The following PPIL1 variants were observed in gnomAD, a reference collection of about 807,000 sequenced individuals.
PPIL1 encodes the protein peptidylprolyl isomerase like 1.
In PPIL1, 14 loss-of-function variants were observed where a neutral mutation model predicts 19.4. The observed-to-expected ratio is 0.72, with a 90% confidence interval of 0.48 to 1.13. PPIL1 has a LOEUF of 1.13. PPIL1 is among the 50% of genes most tolerant of loss of function. The pLI, the probability that PPIL1 is intolerant of heterozygous loss-of-function variation, is 0.00. For synonymous variants in PPIL1, 72 were observed against 73.6 expected, an observed-to-expected ratio of 0.98 and a Z score of 0.11; for missense variants, 192 against 218.0, an observed-to-expected ratio of 0.88 and a Z score of 0.75.
In PPIL1 at chr6:36,856,019, C is replaced by A. The variant is rs199818754; in HGVS notation, c.295G>T (p.Ala99Ser). 52 of 1,613,848 alleles carry A rather than the reference C, an allele frequency of 3.2e-5. No homozygotes were observed. Among genetic ancestry groups the A allele is most frequent in the Non-Finnish European group, 4.2e-5 (49 of 1,179,930 alleles). ...GTATCTGGCCCCGCATTGGCCATTG[C>A]GAGAATTCCAGCCCCTGGTGGGAAA... ...DLKFTGAGIL[A>S]MANAGPDTNG... Residue 99 changes from alanine (A) to serine (S), a missense_variant, in exon 4 of 4, where the codon GCA (alanine) becomes TCA (serine). Coordinates refer to ENST00000373699, the MANE Select transcript of PPIL1 (RefSeq NM_016059.5).
chr6:36,871,617 T>C (rs180912244), intron 2 of PPIL1, 101 bp downstream of exon 2: 44 of 1,399,462 alleles, frequency 3.1e-5, no homozygotes, highest in Middle Eastern at 2.3e-4. Flanking sequence ...CCTTATCACC[T>C]ATTTACGACA....
chr6:36,871,464 G>T (rs369696954), intron 2 of PPIL1, among the ~76,000 whole-genome samples: 1 of 152,166 alleles, frequency 6.6e-6, no homozygotes, highest in African/African-American at 2.4e-5. Context: ...AGCAGTACAT[G>T]TAAGTTATGA....
intron 1 of PPIL1, 129 bp downstream of exon 1, chr6:36,874,581 GGCCGTCT>G: frequency 8.3e-7 from 1 of 1,198,200 alleles, no homozygotes; most frequent in South Asian, 1.3e-5. Context: ...ACCCTCTGGG[GGCCGTCT>G]CGGCCGCTGC....
chr6:36,862,576 A>G (rs917413528), intron 2 of PPIL1, among the ~76,000 whole-genome samples: 4 of 152,246 alleles, frequency 2.6e-5, no homozygotes, highest in African/African-American at 9.6e-5. Context: ...CTTTGAAAGT[A>G]GGGTGATGCC....
rs372850790 is a variant in PPIL1 at position 36,864,377 on chromosome 6, C to T, written c.211+7341G>A. ...GCCACTCTCTCAGGTGTTCCAGCTA[C>T]ACTGGCCCCTGTGCTGTTTCCTGCC... On this transcript the variant is annotated intron_variant, in intron 2 of 3. Transcript: ENST00000373699. 2.6e-5 allele frequency among the ~76,000 whole-genome samples: 4 copies of T among 152,290 alleles called. No individual in the cohort carries two copies. The East Asian group carries it at 5.8e-4, about 22-fold the overall frequency.
At chr6:36,871,675 GAA>G in intron 2 of PPIL1, 41 bp downstream of exon 2, 1 of 1,380,440 alleles carries the variant, frequency 7.2e-7, no homozygotes, top group Admixed American at 2.4e-5. Context: ...ACGAAAAGGA[GAA>G]AAAAAAAAGA....
chr6:36,874,778 AGCCG>A lies in PPIL1; in HGVS notation c.-10_-7del, dbSNP rs773173260. The A allele has an allele frequency of 3.7e-6, 6 of 1,614,094 alleles. No individual in the cohort carries two copies. The highest frequency in any genetic ancestry group is 5.1e-6 in the Non-Finnish European group (6 of 1,179,982). ...TCTGGGGGAATTGCCGCCATAGCGAAGCCGGCGGCGGAATGCTTGTCTAGTAATT... is the reference window on the plus strand; with the variant it reads ...TCTGGGGGAATTGCCGCCATAGCGAAGCGGCGGAATGCTTGTCTAGTAATT... On this transcript the variant is annotated 5_prime_UTR_variant, in exon 1 of 4. Transcript: ENST00000373699.
chr6:36,865,198 T>A (rs7738564), intron 2 of PPIL1, among the ~76,000 whole-genome samples: 2,122 of 152,308 alleles, frequency 0.014, 46 homozygotes, highest in African/African-American at 0.048. Context: ...AGCTCCACAG[T>A]CCTGCTCTAC....
chr6:36,858,891 AG>A (rs1774221828), intron 2 of PPIL1, among the ~76,000 whole-genome samples: 1 of 152,126 alleles, frequency 6.6e-6, no homozygotes, highest in South Asian at 2.1e-4. Flanking sequence ...ACCAGAGACT[AG>A]GGAGAGGGCT....
At chr6:36,856,726 G>A (rs1329233007) in intron 2 of PPIL1, 72 bp from the exon 3 acceptor site, 29 of 1,401,932 alleles carry the variant, frequency 2.1e-5, no homozygotes, top group Non-Finnish European at 2.6e-5. Flanking sequence ...TGATGGCCCA[G>A]GGTCAAAGGA....
chr6:36,856,701 A>T, intron 2 of PPIL1, 47 bp from the exon 3 acceptor site: 2 of 1,548,486 alleles, frequency 1.3e-6, no homozygotes, highest in Non-Finnish European at 1.8e-6. Flanking sequence ...CACACATTCT[A>T]TCTCACAGCA....
intron 2 of PPIL1, among the ~76,000 whole-genome samples, chr6:36,862,415 T>C (rs1239950554): frequency 4.6e-5 from 7 of 152,310 alleles, no homozygotes; most frequent in Middle Eastern, 3.4e-3. Flanking sequence ...GACAAGTCCA[T>C]TTTGCAGACA....
Position 36,855,802 on chromosome 6 carries a change from G to T in PPIL1, c.*11C>A. On this transcript the variant is annotated 3_prime_UTR_variant, in exon 4 of 4. Coordinates refer to ENST00000373699, the MANE Select transcript of PPIL1 (RefSeq NM_016059.5). ...GCCATCTCAGAAGAGCTGCTCAAGA[G>T]GGTAGCAAGTCTACCCAGAAGGGTA... The T allele has an allele frequency of 6.2e-7, 1 of 1,613,132 alleles. No individual in the cohort carries two copies. The highest frequency in any genetic ancestry group is 8.5e-7 in the Non-Finnish European group (1 of 1,179,130).
At chr6:36,865,401 G>C (rs1205448844) in intron 2 of PPIL1, among the ~76,000 whole-genome samples, 1 of 152,162 alleles carries the variant, frequency 6.6e-6, no homozygotes, top group Non-Finnish European at 1.5e-5. Flanking sequence ...TCCGAGATCT[G>C]TAAATTTTAC....
intron 2 of PPIL1, among the ~76,000 whole-genome samples, 182 bp downstream of exon 2, chr6:36,871,536 G>A (rs976222627): frequency 6.6e-6 from 1 of 152,220 alleles, no homozygotes; most frequent in Non-Finnish European, 1.5e-5. Context: ...ATGTGTGTTT[G>A]AGGAAGGCAG....
At chr6:36,866,381 T>C (rs1377274965) in intron 2 of PPIL1, among the ~76,000 whole-genome samples, 1 of 152,116 alleles carries the variant, frequency 6.6e-6, no homozygotes, top group African/African-American at 2.4e-5. Flanking sequence ...CAGGATGTCA[T>C]TTGCTGCCCA....
chr6:36,872,810 A>G lies in PPIL1; in HGVS notation c.57-938T>C, dbSNP rs544796041. ...TTTTTTGTAGAGATGGGGTTTCACC[A>G]TGTTGCCCGGGCTTGTCTTGAACTC... is the stretch of plus-strand genomic sequence containing the variant. On this transcript the variant is annotated intron_variant, in intron 1 of 3. Coordinates refer to ENST00000373699, the MANE Select transcript of PPIL1 (RefSeq NM_016059.5). Among the ~76,000 whole-genome samples, 4 of 152,248 alleles carry G rather than the reference A, an allele frequency of 2.6e-5. No individual in the cohort carries two copies. In the South Asian group the frequency reaches 8.3e-4, roughly 32 times the overall value.
intron 2 of PPIL1, 138 bp from the exon 3 acceptor site, chr6:36,856,792 A>G (rs1774176523): frequency 4.5e-6 from 3 of 670,234 alleles, no homozygotes; most frequent in Non-Finnish European, 8.0e-6. Flanking sequence ...TGCTAGGTAT[A>G]TTGCAACTAC....
intron 1 of PPIL1, among the ~76,000 whole-genome samples, chr6:36,872,965 G>A (rs1561850092): frequency 3.3e-5 from 5 of 152,196 alleles, no homozygotes; most frequent in Admixed American, 2.0e-4. Context: ...CTTGCACAGT[G>A]TAAACACTCT....
Sources: allele counts gnomAD v4.1 joint callset (sites outside exome capture counted in the v4.1 genomes callset), GRCh38; gene constraint gnomAD v4.1.1; transcripts MANE v1.5; gene names NCBI Gene and HGNC (gene_info 2026-07-23, HGNC 2026-07-21).